The following MYEF2 variants were observed in gnomAD, a reference collection of about 807,000 sequenced individuals.
MYEF2 encodes myelin gene expression factor 2.
A neutral mutation model predicts 75.2 loss-of-function variants in MYEF2; 37 were observed. The ratio of observed to expected loss-of-function variants is 0.49; its 90% confidence interval spans 0.38 to 0.65. MYEF2 has a LOEUF of 0.65. Ranked by LOEUF, MYEF2 falls within the 30% of genes least tolerant of loss-of-function variation. The probability of loss-of-function intolerance (pLI) is 0.00; values close to 1 mark genes in which losing one functional copy is unlikely to be tolerated. For missense variants in MYEF2, 634 were observed against 771.4 expected, an observed-to-expected ratio of 0.82 and a Z score of 2.11; for synonymous variants, 195 against 241.6, an observed-to-expected ratio of 0.81 and a Z score of 1.79.
At chr15:48,169,915 C>A (rs1187779798) in intron 1 of MYEF2, 1 of 151,610 alleles carries the variant, frequency 6.6e-6, no homozygotes, top group Non-Finnish European at 1.5e-5. Context: ...TTTAATGAGG[C>A]CTTAACTAGA....
In MYEF2 at chr15:48,134,635, G is replaced by A. The variant is rs577580003; in HGVS notation, c.*8273C>T. The A allele has an allele frequency of 2.3e-4, 201 of 888,912 alleles. No individual in the cohort carries two copies. The African/African-American group carries it at 3.0e-3, about 13-fold the overall frequency. The allele number at this position is 888,912 out of a possible 1,614,324, so 55.1% of individuals were successfully genotyped here. On this transcript the variant is annotated 3_prime_UTR_variant, in exon 17 of 17. Coordinates refer to ENST00000324324, the MANE Select transcript of MYEF2 (RefSeq NM_016132.5). ...ATGGACAACAGGGCACTAATAATAT[G>A]TGCAATCAAATTTATTAATCAGTAG...
chr15:48,152,444 T>C (rs914773000), intron 10 of MYEF2, 160 bp from the exon 11 acceptor site: 2 of 574,146 alleles, frequency 3.5e-6, no homozygotes, highest in South Asian at 3.0e-5. Flanking sequence ...TGCTATGCCA[T>C]AGCAGCTGTC....
intron 1 of MYEF2, chr15:48,169,844 C>T (rs1231667716): frequency 6.6e-6 from 1 of 152,102 alleles, no homozygotes; most frequent in African/African-American, 2.4e-5. Flanking sequence ...GATCCACTCA[C>T]CTCGCCTCCC....
At chr15:48,159,914 A>T in intron 5 of MYEF2, 110 bp from the exon 6 acceptor site, 1 of 1,152,460 alleles carries the variant, frequency 8.7e-7, no homozygotes, top group Non-Finnish European at 1.2e-6. Flanking sequence ...CAAATTATTG[A>T]CCCTCTTGAA....
rs568663678 is a variant in MYEF2 at position 48,138,252 on chromosome 15, A to G, written c.*4656T>C. The G allele has an allele frequency of 6.6e-6, 1 of 152,144 alleles. No homozygotes were observed. The highest frequency in any genetic ancestry group is 1.5e-5 in the Non-Finnish European group (1 of 67,918). The allele number at this position is 152,144 out of a possible 1,614,324, so 9.4% of individuals were successfully genotyped here. A position where few individuals can be genotyped will look rare whatever the true frequency, so the allele number is the denominator to read the frequency against. Reference sequence around the variant, plus strand: ...ATCCAATTGTTACATTATTTTGTAAATGCCATACAAATTTTGAACATTTTT... The same window carrying G: ...ATCCAATTGTTACATTATTTTGTAAGTGCCATACAAATTTTGAACATTTTT... On this transcript the variant is annotated 3_prime_UTR_variant, in exon 17 of 17. Transcript: ENST00000324324.
At chr15:48,158,139 A>G (rs1416727605) in intron 8 of MYEF2, 36 bp downstream of exon 8, 2 of 1,612,068 alleles carry the variant, frequency 1.2e-6, no homozygotes, top group Admixed American at 1.7e-5. Flanking sequence ...AAAGATCTGA[A>G]GAGGTTGGAG....
At chr15:48,173,693 C>A (rs543428407) in intron 1 of MYEF2, among the ~76,000 whole-genome samples, 108 of 152,156 alleles carry the variant, frequency 7.1e-4, no homozygotes, top group African/African-American at 2.6e-3. Context: ...CACTGCATAT[C>A]TACACACTAA....
intron 2 of MYEF2, 85 bp from the exon 3 acceptor site, chr15:48,167,486 C>T: frequency 8.1e-7 from 1 of 1,235,272 alleles, no homozygotes; most frequent in Middle Eastern, 1.9e-4. Context: ...CTGTGCACAA[C>T]TCTACAGAGA....
At position 48,140,764 on chromosome 15, in the gene MYEF2, C is replaced by A. The variant is rs866484313; in HGVS notation, c.*2144G>T. 2.1e-5 allele frequency: 4 copies of A among 192,872 alleles called. No homozygotes were observed. The Admixed American group carries it at 2.2e-4, about 10-fold the overall frequency. 11.9% of individuals were successfully genotyped at this position (192,872 alleles called of 1,614,324 possible). On this transcript the variant is annotated 3_prime_UTR_variant, in exon 17 of 17. Transcript: ENST00000324324. ...ACTAATATTTTTAAGAAAGAAAAAG[C>A]GGAATGATCAGTCTCATTATCAAAT...
rs777592608 is a variant in MYEF2 at position 48,165,895 on chromosome 15, T to C, written c.525+38A>G. On this transcript the variant is annotated intron_variant, in intron 5 of 16. Transcript: ENST00000324324. Reference sequence around the variant, plus strand: ...AAAATCCAAGGAAAACATGTCTTTATAGTCAAATGTTTAAATTCTAAATAT... The same window carrying C: ...AAAATCCAAGGAAAACATGTCTTTACAGTCAAATGTTTAAATTCTAAATAT... The C allele has an allele frequency of 2.2e-6, 3 of 1,375,022 alleles. No individual in the cohort carries two copies. The East Asian group carries it at 7.0e-5, about 32-fold the overall frequency. The allele number at this position is 1,375,022 out of a possible 1,614,324, so 85.2% of individuals were successfully genotyped here.
In MYEF2 at chr15:48,142,858, T is replaced by C; in HGVS notation, c.*50A>G. ...ATTACTTTAAAAAAATGACTTTTAC[T>C]AGGAGATTCAGCAAAACAGATGTAG... On this transcript the variant is annotated 3_prime_UTR_variant, in exon 17 of 17. Coordinates refer to ENST00000324324, the MANE Select transcript of MYEF2 (RefSeq NM_016132.5). 1 of 1,508,960 alleles carries C rather than the reference T, an allele frequency of 6.6e-7. No individual in the cohort carries two copies. Among genetic ancestry groups the C allele is most frequent in the South Asian group, 1.3e-5 (1 of 75,940 alleles). 93.5% of individuals were successfully genotyped at this position (1,508,960 alleles called of 1,614,324 possible).
intron 1 of MYEF2, among the ~76,000 whole-genome samples, chr15:48,176,482 T>C (rs2140951102): frequency 6.6e-6 from 1 of 152,318 alleles, no homozygotes; most frequent in African/African-American, 2.4e-5. Context: ...GGATTCTTTC[T>C]CCACCTTTCT....
intron 12 of MYEF2, 114 bp downstream of exon 12, chr15:48,151,760 C>A: frequency 7.8e-7 from 1 of 1,276,280 alleles, no homozygotes; most frequent in Non-Finnish European, 1.1e-6. Context: ...TCCCCTAGTG[C>A]CTATATGCCT....
intron 11 of MYEF2, 105 bp downstream of exon 11, chr15:48,152,129 G>T: frequency 7.9e-7 from 1 of 1,265,238 alleles, no homozygotes; most frequent in Non-Finnish European, 1.1e-6. Context: ...TAGAACATGA[G>T]CCAACAATAA....
In MYEF2 at chr15:48,142,091, G is replaced by C. The variant is rs958915616; in HGVS notation, c.*817C>G. 1 of 1,613,682 alleles carries C rather than the reference G, an allele frequency of 6.2e-7. No homozygotes were observed. Among genetic ancestry groups the C allele is most frequent in the Non-Finnish European group, 8.5e-7 (1 of 1,179,872 alleles). On this transcript the variant is annotated 3_prime_UTR_variant, in exon 17 of 17. Transcript: ENST00000324324. The stretch of plus-strand genomic sequence containing the variant: ...CAATGTGTTTGATATGTTGTGCCTT[G>C]GTATTCCATGGTTTATTAAAACTGC...
chr15:48,142,967 T>G lies in MYEF2; in HGVS notation c.1744A>C (p.Met582Leu). The G allele has an allele frequency of 1.2e-6, 2 of 1,604,030 alleles. No homozygotes were observed. The highest frequency in any genetic ancestry group is 1.7e-6 in the Non-Finnish European group (2 of 1,175,766). Residue 582 changes from methionine to leucine, a missense_variant, in exon 17 of 17, where the codon ATG (methionine) becomes CTG (leucine). Transcript: ENST00000324324. ...CTGCCACTGATTTTTATGCCATTCATTATTCTGCAGGCTTTTTCAGCTGAT... is the reference window on the plus strand; with the variant it reads ...CTGCCACTGATTTTTATGCCATTCAGTATTCTGCAGGCTTTTTCAGCTGAT... ...PESAEKACRI[M>L]NGIKISGREI... is the part of the protein sequence containing the mutation.
chr15:48,148,293 G>C (rs1224165847), intron 16 of MYEF2, among the ~76,000 whole-genome samples: 1 of 151,898 alleles, frequency 6.6e-6, no homozygotes, highest in African/African-American at 2.4e-5. Context: ...TATTGCAAAA[G>C]AAAGAAAAAG....
chr15:48,141,534 G>A lies in MYEF2; in HGVS notation c.*1374C>T, dbSNP rs138354861. On this transcript the variant is annotated 3_prime_UTR_variant, in exon 17 of 17. Transcript: ENST00000324324. ...GGAGGTTGCAGTGAGCCGAGATTGC[G>A]CCACGGCACTCCAGCAGCCTGGGCA... The A allele has an allele frequency of 3.8e-3, 684 of 182,032 alleles. 6 individuals carry two copies. The highest frequency in any genetic ancestry group is 0.016 in the African/African-American group (648 of 41,522). The allele number at this position is 182,032 out of a possible 1,614,324, so 11.3% of individuals were successfully genotyped here.
intron 7 of MYEF2, among the ~76,000 whole-genome samples, chr15:48,158,518 T>C (rs1231837737): frequency 6.6e-6 from 1 of 152,158 alleles, no homozygotes; most frequent in Admixed American, 6.6e-5. Context: ...GTTAAATCCA[T>C]GTATACAATT....
Sources: allele counts gnomAD v4.1 joint callset (sites outside exome capture counted in the v4.1 genomes callset), GRCh38; gene constraint gnomAD v4.1.1; transcripts MANE v1.5; gene names NCBI Gene and HGNC (gene_info 2026-07-23, HGNC 2026-07-21).